The following BTBD9 variants were observed in gnomAD, a reference collection of about 807,000 sequenced individuals.
The protein encoded by BTBD9 is BTB/POZ domain-containing protein 9.
Under a neutral mutation model 64.3 loss-of-function variants are expected in BTBD9, and 49 were observed. That is an observed-to-expected ratio of 0.76 (90% CI 0.61 to 0.97). BTBD9 has a LOEUF of 0.97. Among genes scored for constraint, BTBD9 ranks in the 50% least tolerant of loss-of-function variants. The pLI, the probability that BTBD9 is intolerant of heterozygous loss-of-function variation, is 0.00. For missense variants in BTBD9, 598 were observed against 762.1 expected, an observed-to-expected ratio of 0.78 and a Z score of 2.53; for synonymous variants, 260 against 274.7, an observed-to-expected ratio of 0.95 and a Z score of 0.53.
intron 9 of BTBD9, among the ~76,000 whole-genome samples, chr6:38,201,469 A>G (rs972627540): frequency 1.3e-5 from 2 of 152,240 alleles, no homozygotes; most frequent in African/African-American, 4.8e-5. Context: ...ATCTATGACA[A>G]ACCCATAGCT....
chr6:38,527,263 C>CAAAAAAAAAAAAAAA lies in BTBD9; in HGVS notation c.1154+50322_1154+50336dup, dbSNP rs55979438. Among the ~76,000 whole-genome samples, 17 of 53,338 alleles carry CAAAAAAAAAAAAAAA rather than the reference C, an allele frequency of 3.2e-4. 1 individual carries two copies. Among genetic ancestry groups the CAAAAAAAAAAAAAAA allele is most frequent in the African/African-American group, 1.4e-3 (16 of 11,346 alleles). The allele number at this position is 53,338 out of a possible 152,430, so 35.0% of individuals were successfully genotyped here. A position where few individuals can be genotyped will look rare whatever the true frequency, so the allele number is the denominator to read the frequency against. ...TGCACTCCAGAGCGAGACTCTGTCT[C>CAAAAAAAAAAAAAAA]AAAAAAAAAAAAAAAAAAAAAAAAA... On this transcript the variant is annotated intron_variant, in intron 6 of 10. Coordinates refer to ENST00000481247, the MANE Select transcript of BTBD9 (RefSeq NM_001099272.2).
intron 6 of BTBD9, among the ~76,000 whole-genome samples, chr6:38,484,128 T>A (rs1562248042): frequency 6.6e-6 from 1 of 152,206 alleles, no homozygotes; most frequent in Non-Finnish European, 1.5e-5. Context: ...TTGTTTAGAA[T>A]CCTGTGTTCA....
intron 6 of BTBD9, among the ~76,000 whole-genome samples, chr6:38,377,003 C>G (rs1385565845): frequency 1.3e-5 from 2 of 152,168 alleles, no homozygotes; most frequent in Non-Finnish European, 2.9e-5. Flanking sequence ...GTTCCTTGAG[C>G]AAAGTTAGGC....
chr6:38,598,687 G>A (rs536112170), intron 1 of BTBD9, among the ~76,000 whole-genome samples: 93 of 152,222 alleles, frequency 6.1e-4, no homozygotes, highest in African/African-American at 2.2e-3. Context: ...GGAGGCTGAG[G>A]TGGGTCGATC....
At chr6:38,505,964 C>CAACAAA (rs1175511241) in intron 6 of BTBD9, among the ~76,000 whole-genome samples, 23 of 82,656 alleles carry the variant, frequency 2.8e-4, no homozygotes, top group African/African-American at 9.0e-4. Flanking sequence ...TCCGTCTCAA[C>CAACAAA]AAAAAAAAAA....
intron 8 of BTBD9, among the ~76,000 whole-genome samples, chr6:38,268,170 G>C (rs1242801464): frequency 6.6e-6 from 1 of 152,174 alleles, no homozygotes. Context: ...ATTTTGGAGA[G>C]TCTCACATAA....
chr6:38,607,261 A>G (rs909379141), intron 1 of BTBD9, among the ~76,000 whole-genome samples: 2 of 152,198 alleles, frequency 1.3e-5, no homozygotes, highest in African/African-American at 4.8e-5. Flanking sequence ...AAAAATAAAG[A>G]CTAAACAGTA....
At chr6:38,558,332 C>T (rs1775116447) in intron 6 of BTBD9, among the ~76,000 whole-genome samples, 1 of 151,966 alleles carries the variant, frequency 6.6e-6, no homozygotes, top group Non-Finnish European at 1.5e-5. Context: ...TAGAATCATA[C>T]TGTCAATGAA....
intron 7 of BTBD9, among the ~76,000 whole-genome samples, chr6:38,335,668 C>T (rs567118194): frequency 6.6e-5 from 10 of 151,836 alleles, no homozygotes; most frequent in African/African-American, 2.2e-4. Context: ...CAGGTTCAAG[C>T]GATTCTCCTG....
At chr6:38,627,294 C>A (rs1054627073) in intron 1 of BTBD9, among the ~76,000 whole-genome samples, 6 of 152,168 alleles carry the variant, frequency 3.9e-5, no homozygotes, top group Non-Finnish European at 7.4e-5. Flanking sequence ...CAAATTAGCT[C>A]ATTTTTGGAC....
intron 6 of BTBD9, among the ~76,000 whole-genome samples, chr6:38,414,244 A>G (rs1767565314): frequency 6.6e-6 from 1 of 152,206 alleles, no homozygotes; most frequent in South Asian, 2.1e-4. Context: ...GCTTGATAAT[A>G]TGTTGTAATA....
intron 6 of BTBD9, among the ~76,000 whole-genome samples, chr6:38,400,077 C>T (rs938535350): frequency 1.3e-5 from 2 of 151,928 alleles, no homozygotes; most frequent in Non-Finnish European, 1.5e-5. Flanking sequence ...CTGATCTTTT[C>T]ACTATTTTTG....
intron 6 of BTBD9, among the ~76,000 whole-genome samples, chr6:38,444,256 C>G (rs1769173476): frequency 1.3e-5 from 2 of 152,156 alleles, no homozygotes; most frequent in Non-Finnish European, 2.9e-5. Context: ...GAACAGGGAT[C>G]AGTCATGTTT....
At chr6:38,281,344 G>A (rs1055509056) in intron 8 of BTBD9, among the ~76,000 whole-genome samples, 2 of 152,126 alleles carry the variant, frequency 1.3e-5, no homozygotes, top group South Asian at 2.1e-4. Flanking sequence ...AATAGTGAAA[G>A]GACAATTGAA....
At chr6:38,336,600 G>C (rs1763902528) in intron 7 of BTBD9, among the ~76,000 whole-genome samples, 1 of 152,008 alleles carries the variant, frequency 6.6e-6, no homozygotes, top group Admixed American at 6.5e-5. Context: ...CCTCCCACCG[G>C]GTCCCTCCCA....
chr6:38,488,800 T>A (rs751419952), intron 6 of BTBD9, among the ~76,000 whole-genome samples: 3 of 152,176 alleles, frequency 2.0e-5, no homozygotes, highest in Non-Finnish European at 4.4e-5. Context: ...AGAAAATTAT[T>A]TTTCAATAAG....
intron 6 of BTBD9, among the ~76,000 whole-genome samples, chr6:38,509,299 T>C (rs1373739729): frequency 8.5e-5 from 13 of 152,246 alleles, no homozygotes; most frequent in Non-Finnish European, 1.5e-5. Context: ...GAATGAAATT[T>C]CTATTTTACT....
chr6:38,598,660 G>A (rs573529217), intron 1 of BTBD9, among the ~76,000 whole-genome samples: 1 of 152,266 alleles, frequency 6.6e-6, no homozygotes, highest in African/African-American at 2.4e-5. Context: ...GCTCACGCCT[G>A]TAATCCCAGC....
chr6:38,512,786 T>C (rs16890765), intron 6 of BTBD9, among the ~76,000 whole-genome samples: 1,854 of 152,332 alleles, frequency 0.012, 25 homozygotes, highest in African/African-American at 0.042. Flanking sequence ...AAACCATTCT[T>C]TATATAAATA....
Sources: allele counts gnomAD v4.1 joint callset (sites outside exome capture counted in the v4.1 genomes callset), GRCh38; gene constraint gnomAD v4.1.1; transcripts MANE v1.5; gene names NCBI Gene and HGNC (gene_info 2026-07-23, HGNC 2026-07-21).